HOOK3: variants seen among roughly 807,000 people sequenced by gnomAD.
The protein encoded by HOOK3 is hook microtubule tethering protein 3, also known as protein Hook homolog 3.
HOOK3 carries 24 observed loss-of-function variants against 116.3 expected under a neutral mutation model. The observed-to-expected ratio is 0.21, with a 90% confidence interval of 0.15 to 0.29. The LOEUF is 0.29. Among genes scored for constraint, HOOK3 ranks in the 10% least tolerant of loss-of-function variants. The probability of loss-of-function intolerance (pLI) is 1.00; values close to 1 mark genes in which losing one functional copy is unlikely to be tolerated. For synonymous variants in HOOK3, 275 were observed against 283.0 expected, an observed-to-expected ratio of 0.97 and a Z score of 0.28; for missense variants, 632 against 830.2, an observed-to-expected ratio of 0.76 and a Z score of 2.93.
chr8:43,010,430 T>A, intron 19 of HOOK3, 25 bp downstream of exon 19: 1 of 879,794 alleles, frequency 1.1e-6, no homozygotes, highest in Non-Finnish European at 1.7e-6. Context: ...TGTAGGCATC[T>A]CACTCTACCT....
intron 2 of HOOK3, among the ~76,000 whole-genome samples, chr8:42,910,265 G>A (rs1807397692): frequency 6.6e-6 from 1 of 151,968 alleles, no homozygotes; most frequent in South Asian, 2.1e-4. Flanking sequence ...ATTGTGTTTT[G>A]CAAAGTGGTC....
intron 21 of HOOK3, among the ~76,000 whole-genome samples, chr8:43,015,237 T>C (rs919522906): frequency 6.6e-6 from 1 of 151,862 alleles, no homozygotes; most frequent in African/African-American, 2.4e-5. Context: ...TATTGACAAA[T>C]ATAGGCTATG....
At chr8:42,912,686 G>C (rs79637673) in intron 2 of HOOK3, among the ~76,000 whole-genome samples, 1 of 78,670 alleles carries the variant, frequency 1.3e-5, no homozygotes, top group African/African-American at 6.4e-5. Flanking sequence ...CACACTCCTT[G>C]CCCACCACAC....
intron 19 of HOOK3, among the ~76,000 whole-genome samples, chr8:43,012,308 C>G (rs2130489387): frequency 6.6e-6 from 1 of 152,326 alleles, no homozygotes; most frequent in African/African-American, 2.4e-5. Context: ...AGGTACAAAC[C>G]TGTACAGCAC....
intron 7 of HOOK3, among the ~76,000 whole-genome samples, chr8:42,958,677 A>T (rs1376314052): frequency 1.4e-5 from 2 of 145,474 alleles, no homozygotes; most frequent in Non-Finnish European, 3.0e-5. Context: ...CACATGTGCC[A>T]TGGTGGTTTG....
intron 2 of HOOK3, among the ~76,000 whole-genome samples, chr8:42,910,849 CTG>C (rs753884354): frequency 4.6e-5 from 7 of 152,180 alleles, no homozygotes; most frequent in Non-Finnish European, 1.0e-4. Context: ...GAGAACAAAA[CTG>C]TTGTAACAAG....
intron 8 of HOOK3, 105 bp downstream of exon 8, chr8:42,959,419 C>G: frequency 2.7e-6 from 2 of 738,114 alleles, no homozygotes; most frequent in Non-Finnish European, 4.4e-6. Context: ...TAACGCAACC[C>G]TTTTTTAGGG....
intron 3 of HOOK3, among the ~76,000 whole-genome samples, chr8:42,929,214 T>G (rs1330915764): frequency 6.6e-6 from 1 of 152,204 alleles, no homozygotes; most frequent in African/African-American, 2.4e-5. Context: ...ATATGCATTT[T>G]CCATATCTGC....
intron 16 of HOOK3, chr8:42,998,053 C>T (rs1479326412): frequency 1.3e-5 from 3 of 232,902 alleles, no homozygotes; most frequent in Non-Finnish European, 2.5e-5. Flanking sequence ...TGCATTTTCT[C>T]TAAATCTCTG....
intron 6 of HOOK3, among the ~76,000 whole-genome samples, chr8:42,953,863 T>A (rs933455906): frequency 6.6e-6 from 1 of 152,168 alleles, no homozygotes; most frequent in Non-Finnish European, 1.5e-5. Flanking sequence ...AGTAACTTGC[T>A]CAGGTTCGCA....
intron 6 of HOOK3, among the ~76,000 whole-genome samples, chr8:42,952,301 G>A (rs1179425243): frequency 2.0e-5 from 3 of 152,222 alleles, no homozygotes; most frequent in Non-Finnish European, 4.4e-5. Flanking sequence ...GGATTGTTAA[G>A]TTTCTGTTAA....
chr8:42,928,655 AG>A (rs1807816497), intron 3 of HOOK3, among the ~76,000 whole-genome samples: 1 of 152,192 alleles, frequency 6.6e-6, no homozygotes, highest in Non-Finnish European at 1.5e-5. Flanking sequence ...GGAGATGGGT[AG>A]AAAAGTTTAT....
chr8:42,904,629 A>G (rs1807266896), intron 1 of HOOK3, among the ~76,000 whole-genome samples: 1 of 152,086 alleles, frequency 6.6e-6, no homozygotes, highest in South Asian at 2.1e-4. Flanking sequence ...TATTAATACA[A>G]TGCAAACCTC....
rs1021663280 is a variant in HOOK3, at chr8:43,023,604, C to T, written c.*5106C>T. ...AGTAGCTAGGATTACAGGCATCTGCCACCACGCCCAGCTAATTTTTGTATT... is the reference window on the plus strand; with the variant it reads ...AGTAGCTAGGATTACAGGCATCTGCTACCACGCCCAGCTAATTTTTGTATT... On this transcript the variant is annotated 3_prime_UTR_variant, in exon 22 of 22. Transcript: ENST00000307602. 5.8e-6 allele frequency: 1 copy of T among 172,118 alleles called. No homozygotes were observed. The highest frequency in any genetic ancestry group is 2.4e-5 in the African/African-American group (1 of 42,024). 10.7% of individuals were successfully genotyped at this position (172,118 alleles called of 1,614,324 possible).
chr8:42,971,000 C>T (rs1030640355), intron 11 of HOOK3, among the ~76,000 whole-genome samples: 2 of 151,844 alleles, frequency 1.3e-5, no homozygotes, highest in African/African-American at 2.4e-5. Context: ...TTGCCCAGGC[C>T]GGTCTCAAAT....
intron 6 of HOOK3, among the ~76,000 whole-genome samples, chr8:42,951,504 T>C (rs1808344855): frequency 6.6e-6 from 1 of 152,176 alleles, no homozygotes; most frequent in African/African-American, 2.4e-5. Flanking sequence ...AACATAAAAC[T>C]GTAAAAGTAA....
At chr8:42,943,504 T>G in intron 5 of HOOK3, 59 bp downstream of exon 5, 1 of 1,130,270 alleles carries the variant, frequency 8.8e-7, no homozygotes, top group African/African-American at 1.6e-5. Context: ...AGTGTATATT[T>G]TATATTTTAT....
chr8:42,945,118 ATTTTAGTT>A (rs1011314906), intron 5 of HOOK3, among the ~76,000 whole-genome samples: 6 of 152,046 alleles, frequency 3.9e-5, no homozygotes, highest in Non-Finnish European at 8.8e-5. Flanking sequence ...TAACCTCTGT[ATTTTAGTT>A]TTTTAGTAAA....
At chr8:42,939,870 A>G (rs1481589762) in intron 4 of HOOK3, among the ~76,000 whole-genome samples, 1 of 147,052 alleles carries the variant, frequency 6.8e-6, no homozygotes, top group African/African-American at 2.6e-5. Flanking sequence ...GGCGCTCCCC[A>G]CATCTCAGAC....
Sources: gnomAD v4.1 joint callset for allele counts (sites outside exome capture counted in the v4.1 genomes callset) on GRCh38, gnomAD v4.1.1 for gene constraint, MANE v1.5 for transcripts, NCBI Gene and HGNC (gene_info 2026-07-23, HGNC 2026-07-21) for gene names.